Variants in SMCHD1 observed in about 807,000 individuals in gnomAD.
SMCHD1 encodes the protein structural maintenance of chromosomes flexible hinge domain-containing protein 1.
SMCHD1 carries 78 observed loss-of-function variants against 254.7 expected under a neutral mutation model. That is an observed-to-expected ratio of 0.31 (90% CI 0.26 to 0.37). SMCHD1 has a LOEUF of 0.37. Among genes scored for constraint, SMCHD1 ranks in the 10% least tolerant of loss-of-function variants. SMCHD1 has a pLI of 1.00. For missense variants in SMCHD1, 1,840 were observed against 2,408.1 expected (o/e 0.76, Z 4.94); for synonymous variants, 766 against 794.9 (o/e 0.96, Z 0.61).
rs372694951 is a variant in SMCHD1 at position 2,685,094 on chromosome 18, A to ATTTTTTTTT, written c.639-3293_639-3292insTTTTTTTTT. Among the ~76,000 whole-genome samples the ATTTTTTTTT allele has an allele frequency of 2.9e-3, 239 of 81,896 alleles. 63 individuals are homozygous for ATTTTTTTTT. Among genetic ancestry groups the ATTTTTTTTT allele is most frequent in the African/African-American group, 4.9e-3 (96 of 19,706 alleles). The allele number at this position is 81,896 out of a possible 152,430, so 53.7% of individuals were successfully genotyped here. On this transcript the variant is annotated intron_variant, in intron 5 of 47. Coordinates refer to ENST00000320876, the MANE Select transcript of SMCHD1 (RefSeq NM_015295.3). ...AGCACACTGTTCTGTTCTGTCCCTT[A>ATTTTTTTTT]TTTTTTTCTTTTTTTTTTTTTTTTG...
At chr18:2,725,303 T>G (rs897700670) in intron 21 of SMCHD1, among the ~76,000 whole-genome samples, 30 of 137,308 alleles carry the variant, frequency 2.2e-4, no homozygotes, top group Admixed American at 9.2e-4. Context: ...GACTCTGCTG[T>G]TTTTTTTTTT....
At chr18:2,768,695 A>AGTATATAGT (rs55983383) in intron 37 of SMCHD1, among the ~76,000 whole-genome samples, 2 of 150,746 alleles carry the variant, frequency 1.3e-5, no homozygotes, top group Non-Finnish European at 3.0e-5. Context: ...CTACTAGTAT[A>AGTATATAGT]GTACTATATA....
At chr18:2,784,375 C>A in intron 44 of SMCHD1, 75 bp from the exon 45 acceptor site, 1 of 1,269,820 alleles carries the variant, frequency 7.9e-7, no homozygotes, top group Non-Finnish European at 1.1e-6. Flanking sequence ...ATCTCAGAAA[C>A]TTTAAATTAT....
rs1160194073 is a variant in SMCHD1 at position 2,700,780 on chromosome 18, T to C, written c.1509T>C (p.Ile503=). Residue 503 remains isoleucine, a synonymous_variant, in exon 12 of 48, where the codon ATT becomes ATC. Coordinates refer to ENST00000320876, the MANE Select transcript of SMCHD1 (RefSeq NM_015295.3). ...TPPKKRGLAP[I]ECYNRISGAL... ...CTAAGAAGAGAGGGCTTGCACCAAT[T>C]GAATGCTACAATAGGATATCTGGTG... The C allele has an allele frequency of 1.2e-6, 2 of 1,613,146 alleles. No individual in the cohort carries two copies. Among genetic ancestry groups the C allele is most frequent in the African/African-American group, 2.7e-5 (2 of 74,898 alleles).
chr18:2,664,082 T>C (rs2073370784), intron 1 of SMCHD1, among the ~76,000 whole-genome samples: 2 of 152,162 alleles, frequency 1.3e-5, no homozygotes, highest in Non-Finnish European at 2.9e-5. Context: ...AGAATCATGT[T>C]ATGAACCCCA....
intron 45 of SMCHD1, 135 bp downstream of exon 45, chr18:2,784,756 TG>T: frequency 1.0e-6 from 1 of 1,000,994 alleles, no homozygotes; most frequent in Non-Finnish European, 1.5e-6. Flanking sequence ...AAGATGTTTT[TG>T]TCTACTACTT....
At chr18:2,744,244 A>C (rs971692736) in intron 29 of SMCHD1, among the ~76,000 whole-genome samples, 1 of 152,192 alleles carries the variant, frequency 6.6e-6, no homozygotes. Flanking sequence ...CCTAGTTTCT[A>C]CAGTTACTGA....
intron 43 of SMCHD1, 33 bp downstream of exon 43, chr18:2,777,948 C>G: frequency 7.7e-7 from 1 of 1,305,838 alleles, no homozygotes; most frequent in Non-Finnish European, 1.1e-6. Flanking sequence ...TACTTTTGTA[C>G]AGATGTTAAA....
Position 2,656,103 on chromosome 18 carries a change from G to C in SMCHD1, c.28G>C (p.Gly10Arg). MAAADGGGP[G>R]GASVGTEEDG... The stretch of plus-strand genomic sequence containing the variant: ...GGCAGCGGCGGACGGCGGCGGGCCT[G>C]GTGGGGCCTCTGTGGGGACTGAGGA... Residue 10 changes from glycine (G) to arginine (R), a missense_variant, in exon 1 of 48, where the codon GGT (glycine) becomes CGT (arginine). Physicochemically the swap from Gly to Arg is moderately radical, Grantham distance 125. Around this residue, in one of 9 missense-constraint regions of SMCHD1, gnomAD observed 115 missense variants for 99.1 expected, o/e 1.16. Transcript: ENST00000320876. 1.4e-6 allele frequency: 2 copies of C among 1,427,716 alleles called. No homozygotes were observed. Among genetic ancestry groups the C allele is most frequent in the Non-Finnish European group, 9.2e-7 (1 of 1,089,456 alleles). The allele number at this position is 1,427,716 out of a possible 1,614,324, so 88.4% of individuals were successfully genotyped here. A position where few individuals can be genotyped will look rare whatever the true frequency, so the allele number is the denominator to read the frequency against.
chr18:2,734,538 T>C (rs1483730492), intron 25 of SMCHD1, among the ~76,000 whole-genome samples: 2 of 152,094 alleles, frequency 1.3e-5, no homozygotes, highest in Non-Finnish European at 2.9e-5. Flanking sequence ...TAAGCCAAGA[T>C]ACAAGGAAGT....
At chr18:2,789,206 ATTTT>A (rs11356663) in intron 45 of SMCHD1, among the ~76,000 whole-genome samples, 1 of 143,936 alleles carries the variant, frequency 6.9e-6, no homozygotes, top group Middle Eastern at 3.9e-3. Flanking sequence ...TATTATTATT[ATTTT>A]TTTTTTTTTT....
Position 2,777,909 on chromosome 18 carries a change from G to A in SMCHD1, c.5470G>A (p.Glu1824Lys). 6.5e-7 allele frequency: 1 copy of A among 1,531,386 alleles called. No individual in the cohort carries two copies. Among genetic ancestry groups the A allele is most frequent in the Non-Finnish European group, 8.8e-7 (1 of 1,132,668 alleles). The allele number at this position is 1,531,386 out of a possible 1,614,324, so 94.9% of individuals were successfully genotyped here. Residue 1824 changes from glutamate (E) to lysine (K), a missense_variant, in exon 43 of 48, where the codon GAA becomes AAA. Physicochemically the swap from Glu to Lys is moderately conservative, Grantham distance 56. Transcript: ENST00000320876. ...ATTTCCAGATAATGTAGAACATTGTGAAACAGGTAAAAGACATTATGGTGA... is the reference window on the plus strand; with the variant it reads ...ATTTCCAGATAATGTAGAACATTGTAAAACAGGTAAAAGACATTATGGTGA... ...LTFPDNVEHC[E>K]TVFGMLLGDT...
intron 45 of SMCHD1, among the ~76,000 whole-genome samples, chr18:2,795,045 T>TTTTTG (rs1555658556): frequency 2.6e-5 from 4 of 152,010 alleles, no homozygotes; most frequent in African/African-American, 9.6e-5. Flanking sequence ...CTGGGTTTTT[T>TTTTTG]TTTTGTTTTG....
At chr18:2,794,386 A>T (rs2076223000) in intron 45 of SMCHD1, among the ~76,000 whole-genome samples, 1 of 152,122 alleles carries the variant, frequency 6.6e-6, no homozygotes, top group Non-Finnish European at 1.5e-5. Flanking sequence ...ATTGCCTGTA[A>T]TCCGAGCTAT....
At chr18:2,776,209 CATA>C (rs1217097562) in intron 42 of SMCHD1, among the ~76,000 whole-genome samples, 1 of 151,964 alleles carries the variant, frequency 6.6e-6, no homozygotes, top group Non-Finnish European at 1.5e-5. Flanking sequence ...CACACAAAGA[CATA>C]ATATTTTTTT....
intron 40 of SMCHD1, among the ~76,000 whole-genome samples, 174 bp downstream of exon 40, chr18:2,771,792 A>G (rs1310005508): frequency 6.6e-6 from 1 of 152,242 alleles, no homozygotes; most frequent in African/African-American, 2.4e-5. Context: ...GCTCTATTCA[A>G]AGAAATTGCA....
intron 41 of SMCHD1, among the ~76,000 whole-genome samples, chr18:2,773,529 C>T (rs753316900): frequency 2.6e-5 from 4 of 152,136 alleles, no homozygotes; most frequent in Non-Finnish European, 5.9e-5. Context: ...AAATACAAAC[C>T]CTACCCTAAC....
chr18:2,743,995 G>C, intron 29 of SMCHD1, 67 bp downstream of exon 29: 1 of 1,325,390 alleles, frequency 7.5e-7, no homozygotes, highest in Non-Finnish European at 1.0e-6. Context: ...CAGATTGTCA[G>C]TGAATCAGAA....
intron 8 of SMCHD1, among the ~76,000 whole-genome samples, chr18:2,696,635 C>T (rs1176047639): frequency 6.6e-6 from 1 of 152,124 alleles, no homozygotes; most frequent in Non-Finnish European, 1.5e-5. Context: ...AGTTTACCAC[C>T]GATAATTGAG....
Sources: gnomAD v4.1 joint callset for allele counts (sites outside exome capture counted in the v4.1 genomes callset) on GRCh38, gnomAD v4.1.1 for gene constraint, gnomAD v4.1.1 regional missense constraint, MANE v1.5 for transcripts, NCBI Gene and HGNC (gene_info 2026-07-23, HGNC 2026-07-21) for gene names.